PPP1R16A: variants seen among roughly 807,000 people sequenced by gnomAD.
PPP1R16A encodes the protein protein phosphatase 1 regulatory subunit 16A.
In PPP1R16A, 39 loss-of-function variants were observed where a neutral mutation model predicts 46.6. The observed-to-expected ratio is 0.84, with a 90% confidence interval of 0.65 to 1.09. PPP1R16A has a LOEUF of 1.09. PPP1R16A is among the 50% of genes least tolerant of loss of function. The pLI is 0.00. For synonymous variants in PPP1R16A, 413 were observed against 321.5 expected (o/e 1.28, Z -3.04); for missense variants, 798 against 735.6 (o/e 1.08, Z -0.98).
rs1289457751 is a variant in PPP1R16A at position 144,501,186 on chromosome 8, C to T, written c.1095C>T (p.His365=). ...TQRTDLYRKQ[H]AQEAIVWQQP... is the part of the protein sequence containing the mutation. ...GCACCGACCTGTACCGCAAGCAGCA[C>T]GCCCAGGAGGCCATCGTGTGGCAAC... Residue 365 remains histidine, a synonymous_variant, in exon 11 of 12, where the codon CAC becomes CAT. Transcript: ENST00000435887. 1.9e-6 allele frequency: 3 copies of T among 1,610,238 alleles called. No individual in the cohort carries two copies. The highest frequency in any genetic ancestry group is 2.7e-5 in the African/African-American group (2 of 74,912).
chr8:144,483,567 G>A (rs890019324), intron 1 of PPP1R16A, among the ~76,000 whole-genome samples: 3 of 152,076 alleles, frequency 2.0e-5, no homozygotes, highest in African/African-American at 4.8e-5. Flanking sequence ...ATGCCGCCAC[G>A]ACCGGCTTTT....
intron 5 of PPP1R16A, 176 bp from the exon 6 acceptor site, chr8:144,499,920 A>T: frequency 1.6e-6 from 1 of 621,230 alleles, no homozygotes; most frequent in Non-Finnish European, 2.8e-6. Flanking sequence ...TGGCTTAATG[A>T]CAGGATCTAG....
intron 1 of PPP1R16A, among the ~76,000 whole-genome samples, chr8:144,487,170 G>A (rs1322533190): frequency 6.6e-6 from 1 of 151,912 alleles, no homozygotes; most frequent in Admixed American, 6.6e-5. Flanking sequence ...TGTATTTCTA[G>A]TAGAGACGGG....
intron 1 of PPP1R16A, among the ~76,000 whole-genome samples, chr8:144,485,626 C>T (rs1468887624): frequency 6.6e-6 from 1 of 152,200 alleles, no homozygotes; most frequent in Non-Finnish European, 1.5e-5. Context: ...GGTAACGTTG[C>T]ACCTGTCAAT....
intron 2 of PPP1R16A, among the ~76,000 whole-genome samples, chr8:144,494,584 C>T (rs911741210): frequency 2.0e-5 from 3 of 152,184 alleles, no homozygotes; most frequent in Non-Finnish European, 4.4e-5. Context: ...CTGGCATGAG[C>T]CACTGTTCCC....
chr8:144,486,788 C>T lies in PPP1R16A; in HGVS notation c.-913-3246C>T, dbSNP rs574340571. On this transcript the variant is annotated intron_variant, in intron 1 of 11. Transcript: ENST00000435887. ...TGTGTGTGGTCTGTGGATATTTACTCACTCAGTAGCTGTCTTTTCATCCTC... is the reference window on the plus strand; with the variant it reads ...TGTGTGTGGTCTGTGGATATTTACTTACTCAGTAGCTGTCTTTTCATCCTC... 3.3e-5 allele frequency among the ~76,000 whole-genome samples: 5 copies of T among 152,294 alleles called. No individual in the cohort carries two copies. In the South Asian group the frequency reaches 1.0e-3, roughly 32 times the overall value.
Position 144,501,922 on chromosome 8 carries a change from A to G in PPP1R16A, c.*19A>G, listed in dbSNP as rs1431316328. 3 of 1,501,122 alleles carry G rather than the reference A, an allele frequency of 2.0e-6. No homozygotes were observed. The highest frequency in any genetic ancestry group is 2.7e-6 in the Non-Finnish European group (3 of 1,125,798). 93.0% of individuals were successfully genotyped at this position (1,501,122 alleles called of 1,614,324 possible). A position where few individuals can be genotyped will look rare whatever the true frequency, so the allele number is the denominator to read the frequency against. On this transcript the variant is annotated 3_prime_UTR_variant, in exon 12 of 12. Coordinates refer to ENST00000435887, the MANE Select transcript of PPP1R16A (RefSeq NM_001329443.2). ...CATGTGAGGCTGTTGCTCAGCATGC[A>G]GGGGCCCTGTCGCGGGCACAGCCCA... is the stretch of plus-strand genomic sequence containing the variant.
rs761138304 is a variant in PPP1R16A, at chr8:144,493,596, G to A, written c.-734-2865G>A. On this transcript the variant is annotated intron_variant, in intron 2 of 11. Coordinates refer to ENST00000435887, the MANE Select transcript of PPP1R16A (RefSeq NM_001329443.2). The surrounding 1 kb of genome is among the most constrained non-coding windows in gnomAD (Gnocchi z 4.3). Reference sequence around the variant, plus strand: ...CTTCTGGAGCCCTCAGCCCACTGCCGTGGGCCTTCGGCTGGCTGCTTCCTT... The same window carrying A: ...CTTCTGGAGCCCTCAGCCCACTGCCATGGGCCTTCGGCTGGCTGCTTCCTT... Among the ~76,000 whole-genome samples, 4 of 152,152 alleles carry A rather than the reference G, an allele frequency of 2.6e-5. No homozygotes were observed. The highest frequency in any genetic ancestry group is 2.1e-4 in the South Asian group (1 of 4,822).
rs1826521650 is a variant in PPP1R16A, at chr8:144,501,867, T to C, written c.1551T>C (p.Ala517=). 7.1e-6 allele frequency: 11 copies of C among 1,542,242 alleles called. No homozygotes were observed. The highest frequency in any genetic ancestry group is 9.6e-6 in the Non-Finnish European group (11 of 1,144,662). The change falls in exon 12 of 12, where the codon GCT becomes GCC. Residue 517 remains alanine, a synonymous_variant. Coordinates refer to ENST00000435887, the MANE Select transcript of PPP1R16A (RefSeq NM_001329443.2). ...LLKLTAPAVE[A]PVERRPCCLL... ...AGCTCACAGCCCCGGCGGTGGAGGC[T>C]CCCGTGGAGAGGAGGCCGTGCTGCC...
chr8:144,478,194 A>C, intron 1 of PPP1R16A, 67 bp downstream of exon 1: 1 of 391,464 alleles, frequency 2.6e-6, no homozygotes, highest in African/African-American at 2.1e-5. Flanking sequence ...GGCCAGGGAG[A>C]GCAGTGGCGG....
chr8:144,492,678 A>G (rs868273955), intron 2 of PPP1R16A, among the ~76,000 whole-genome samples: 21 of 152,184 alleles, frequency 1.4e-4, no homozygotes, highest in African/African-American at 4.8e-4. Context: ...GGTGCACCGT[A>G]CACACATCCC....
intron 7 of PPP1R16A, 41 bp from the exon 8 acceptor site, chr8:144,500,446 T>TG (rs1586762134): frequency 3.9e-6 from 6 of 1,536,312 alleles, no homozygotes; most frequent in Non-Finnish European, 5.2e-6. Flanking sequence ...TACTTGGAGG[T>TG]GGGGGATGGG....
Position 144,497,307 on chromosome 8 carries a change from C to T in PPP1R16A, c.113C>T (p.Ala38Val), listed in dbSNP as rs1425036651. The T allele has an allele frequency of 5.0e-6, 8 of 1,612,448 alleles. No homozygotes were observed. Among genetic ancestry groups the T allele is most frequent in the Non-Finnish European group, 5.9e-6 (7 of 1,179,756 alleles). ...KRRAQQVKMWAQAEKEAQGKK... is the reference protein window; with the variant it reads ...KRRAQQVKMWVQAEKEAQGKK... Reference sequence around the variant, plus strand: ...CGCGCCCAGCAGGTGAAGATGTGGGCCCAGGCTGAGAAGGAGGCCCAGGGC... The same window carrying T: ...CGCGCCCAGCAGGTGAAGATGTGGGTCCAGGCTGAGAAGGAGGCCCAGGGC... Residue 38 changes from alanine to valine, a missense_variant, in exon 3 of 12, where the codon GCC becomes GTC. Transcript: ENST00000435887.
At chr8:144,480,637 C>T (rs574874232) in intron 1 of PPP1R16A, among the ~76,000 whole-genome samples, 1 of 152,246 alleles carries the variant, frequency 6.6e-6, no homozygotes, top group South Asian at 2.1e-4. Context: ...CAGGCGCATG[C>T]CACCACGGCC....
rs987618142 is a variant in PPP1R16A at position 144,493,372 on chromosome 8, A to G, written c.-734-3089A>G. 6.6e-6 allele frequency among the ~76,000 whole-genome samples: 1 copy of G among 152,138 alleles called. No individual in the cohort carries two copies. The highest frequency in any genetic ancestry group is 2.4e-5 in the African/African-American group (1 of 41,428). ...TGGAGTAGAGGGAGCCGCCCTGCCC[A>G]GCCCCCTCAGCCTGGGTGTGTCCAT... On this transcript the variant is annotated intron_variant, in intron 2 of 11. Transcript: ENST00000435887. The surrounding 1 kb of genome is among the most constrained non-coding windows in gnomAD (Gnocchi z 4.3).
At chr8:144,483,696 G>T (rs990041056) in intron 1 of PPP1R16A, among the ~76,000 whole-genome samples, 14 of 141,736 alleles carry the variant, frequency 9.9e-5, no homozygotes, top group Non-Finnish European at 1.7e-4. Context: ...ATGAGCCACT[G>T]CGCCCGGTCT....
At chr8:144,498,691 C>G (rs901050394) in intron 3 of PPP1R16A, 79 bp from the exon 4 acceptor site, 3 of 1,408,552 alleles carry the variant, frequency 2.1e-6, no homozygotes, top group African/African-American at 1.4e-5. Flanking sequence ...TTGTCCTTCC[C>G]TGGGTCCTGG....
At chr8:144,483,653 G>A (rs971924442) in intron 1 of PPP1R16A, among the ~76,000 whole-genome samples, 1 of 150,272 alleles carries the variant, frequency 6.7e-6, no homozygotes, top group East Asian at 2.0e-4. Context: ...TGATCCACCC[G>A]CCTTGGCCTC....
intron 5 of PPP1R16A, chr8:144,499,309 C>A (rs1029785400): frequency 3.6e-6 from 2 of 551,908 alleles, no homozygotes; most frequent in South Asian, 5.4e-5. Flanking sequence ...GCCTCGGGCC[C>A]CCCCCCAGAG....
Sources: allele counts gnomAD v4.1 joint callset (sites outside exome capture counted in the v4.1 genomes callset), GRCh38; gene constraint gnomAD v4.1.1; non-coding constraint Gnocchi (gnomAD v3.1); transcripts MANE v1.5; gene names NCBI Gene and HGNC (gene_info 2026-07-23, HGNC 2026-07-21).